The following GSTM4 variants were observed in gnomAD, a reference collection of about 807,000 sequenced individuals.
GSTM4 encodes the protein glutathione S-transferase mu 4.
Under a neutral mutation model 30.1 loss-of-function variants are expected in GSTM4, and 27 were observed. The observed-to-expected ratio is 0.90, with a 90% CI of 0.66 to 1.24. The LOEUF is 1.24. Among genes scored for constraint, GSTM4 ranks in the 50% most tolerant of loss-of-function variants. The probability of loss-of-function intolerance (pLI) is 0.00; values close to 1 mark genes in which losing one functional copy is unlikely to be tolerated. For synonymous variants in GSTM4, 94 were observed against 96.2 expected (o/e 0.98, Z 0.13); for missense variants, 238 against 272.1 (o/e 0.87, Z 0.88).
At chr1:109,656,877 G>C (rs1040253119) in intron 2 of GSTM4, 90 bp downstream of exon 2, 1 of 1,274,870 alleles carries the variant, frequency 7.8e-7, no homozygotes, top group Admixed American at 1.7e-5. Flanking sequence ...ACCTCTGCAG[G>C]CCTCCCCTGC....
downstream of GSTM4, among the ~76,000 whole-genome samples, chr1:109,664,598 GATTTGCCTGCCTCAGCC>G (rs961214087): frequency 2.0e-5 from 3 of 151,824 alleles, no homozygotes; most frequent in African/African-American, 7.3e-5. Flanking sequence ...GACCTCACGT[GATTTGCCTGCCTCAGCC>G]TCCCAAAGTG....
chr1:109,656,302 G>T lies in GSTM4; in HGVS notation c.-88G>T. ...GCCGAGGGGGCGGGTCTGGCGCTAG[G>T]TCCAGCCCCTGCGTGCCGGGAACCC... On this transcript the variant is annotated 5_prime_UTR_variant, in exon 1 of 8. Transcript: ENST00000369836. The T allele has an allele frequency of 7.5e-7, 1 of 1,332,630 alleles. No individual in the cohort carries two copies. Among genetic ancestry groups the T allele is most frequent in the Non-Finnish European group, 1.1e-6 (1 of 923,714 alleles). 82.6% of individuals were successfully genotyped at this position (1,332,630 alleles called of 1,614,324 possible).
At chr1:109,664,421 G>A (rs597370), downstream of GSTM4, among the ~76,000 whole-genome samples, 17,817 of 134,954 alleles carry the variant, frequency 0.13, 1,203 homozygotes, top group Middle Eastern at 0.17. Context: ...GTGCAGTGGC[G>A]CGATCTCAGC....
At chr1:109,659,321 A>G in intron 7 of GSTM4, 1 of 1,541,426 alleles carries the variant, frequency 6.5e-7, no homozygotes, top group Non-Finnish European at 8.8e-7. Context: ...TTGCCCATTT[A>G]GAGATAAGAA....
At chr1:109,665,353 C>T, downstream of GSTM4, 1 of 397,308 alleles carries the variant, frequency 2.5e-6, no homozygotes, top group Non-Finnish European at 4.6e-6. Context: ...GTTCTGAGGC[C>T]TTTAGCCTCT....
chr1:109,659,442 T>A, intron 7 of GSTM4: 1 of 1,307,196 alleles, frequency 7.6e-7, no homozygotes. Flanking sequence ...GGCTCTCCCT[T>A]TTGTGACAAA....
chr1:109,663,331 A>AAAG (rs1652371431), downstream of GSTM4, among the ~76,000 whole-genome samples: 4 of 152,316 alleles, frequency 2.6e-5, no homozygotes, highest in Middle Eastern at 6.8e-3. Context: ...CCCACAGAGT[A>AAAG]GCACACTTAA....
At chr1:109,657,708 G>A in intron 4 of GSTM4, 37 bp downstream of exon 4, 1 of 1,614,054 alleles carries the variant, frequency 6.2e-7, no homozygotes, top group East Asian at 2.2e-5. Flanking sequence ...GGGGGAAGGT[G>A]GCATCCTCCT....
chr1:109,659,415 C>A, intron 7 of GSTM4: 1 of 1,402,960 alleles, frequency 7.1e-7, no homozygotes, highest in Non-Finnish European at 9.4e-7. Context: ...GCATCTGGAT[C>A]TATGGGTGGC....
In GSTM4 at chr1:109,661,567, TG is replaced by T; in HGVS notation, c.*315del. On this transcript the variant is annotated 3_prime_UTR_variant, in exon 8 of 8. Transcript: ENST00000369836. ...TTGTATCTGCTTTGAAGGGCCTACC[TG>T]GCCCCTCGCCTGTGGAGCTCAGCCC... 3.1e-6 allele frequency: 4 copies of T among 1,285,726 alleles called. No individual in the cohort carries two copies. The highest frequency in any genetic ancestry group is 4.0e-6 in the Non-Finnish European group (4 of 1,005,292). The allele number at this position is 1,285,726 out of a possible 1,614,324, so 79.6% of individuals were successfully genotyped here.
chr1:109,661,427 T>G lies in GSTM4; in HGVS notation c.*173T>G. 1 of 1,468,698 alleles carries G rather than the reference T, an allele frequency of 6.8e-7. No individual in the cohort carries two copies. Among genetic ancestry groups the G allele is most frequent in the Non-Finnish European group, 9.0e-7 (1 of 1,107,472 alleles). The allele number at this position is 1,468,698 out of a possible 1,614,324, so 91.0% of individuals were successfully genotyped here. ...GGCCTCTTCACTTCCCCTAAACCCC[T>G]GTCCCATGCAGGCCCTTTGAAGCCT... On this transcript the variant is annotated 3_prime_UTR_variant, in exon 8 of 8. Coordinates refer to ENST00000369836, the MANE Select transcript of GSTM4 (RefSeq NM_000850.5).
chr1:109,656,363 T>G lies in GSTM4; in HGVS notation c.-27T>G, dbSNP rs1651980216. ...CGCAGTTCAGCCCAGCTGAGGCCTGTCTGCAGAATCGACACCAACCAGCAT... is the reference window on the plus strand; with the variant it reads ...CGCAGTTCAGCCCAGCTGAGGCCTGGCTGCAGAATCGACACCAACCAGCAT... On this transcript the variant is annotated 5_prime_UTR_variant, in exon 1 of 8. Transcript: ENST00000369836. 1 of 1,612,006 alleles carries G rather than the reference T, an allele frequency of 6.2e-7. No homozygotes were observed. The highest frequency in any genetic ancestry group is 8.5e-7 in the Non-Finnish European group (1 of 1,178,360).
chr1:109,666,880 C>G (rs1570625410), downstream of GSTM4, among the ~76,000 whole-genome samples: 1 of 152,194 alleles, frequency 6.6e-6, no homozygotes, highest in African/African-American at 2.4e-5. Flanking sequence ...CACCCGCCAC[C>G]AGGCCTGGCT....
chr1:109,666,323 A>G (rs187119596), downstream of GSTM4, among the ~76,000 whole-genome samples: 20 of 152,334 alleles, frequency 1.3e-4, no homozygotes, highest in Admixed American at 4.6e-4. Flanking sequence ...CTTTTCAAAA[A>G]TAAGTTCAGT....
Position 109,656,589 on chromosome 1 carries a change from T to TGTGC in GSTM4, c.37-122_37-121insTGCG, listed in dbSNP as rs1491168454. Reference sequence around the variant, plus strand: ...GTGTGTGTGTGTGTGTGTGTGTGTGTGCGTGCGCCGGGGTGGGGGGGGGGT... The same window carrying TGTGC: ...GTGTGTGTGTGTGTGTGTGTGTGTGTGTGCGCGTGCGCCGGGGTGGGGGGGGGGT... On this transcript the variant is annotated intron_variant, in intron 1 of 7. Transcript: ENST00000369836. 91 of 591,044 alleles carry TGTGC rather than the reference T, an allele frequency of 1.5e-4. 3 individuals are homozygous for TGTGC. The highest frequency in any genetic ancestry group is 4.2e-4 in the Middle Eastern group (1 of 2,362). The allele number at this position is 591,044 out of a possible 1,614,324, so 36.6% of individuals were successfully genotyped here. A position where few individuals can be genotyped will look rare whatever the true frequency, so the allele number is the denominator to read the frequency against.
intron 7 of GSTM4, chr1:109,660,577 C>T (rs1054231281): frequency 3.8e-5 from 6 of 155,988 alleles, no homozygotes; most frequent in African/African-American, 1.4e-4. Flanking sequence ...GATCTGGGCT[C>T]TCTTCCAGGC....
At position 109,657,908 on chromosome 1, in the gene GSTM4, T is replaced by G. The variant is rs1442462583; in HGVS notation, c.360+36T>G. The G allele has an allele frequency of 2.6e-6, 4 of 1,568,134 alleles. No homozygotes were observed. The East Asian group carries it at 6.7e-5, about 26-fold the overall frequency. On this transcript the variant is annotated intron_variant, in intron 5 of 7. Coordinates refer to ENST00000369836, the MANE Select transcript of GSTM4 (RefSeq NM_000850.5). ...CCCTGGTCTGGACCAGAAGCCAGGC[T>G]TGTATTCCCATCTACTCTGGTCCTA...
At chr1:109,663,583 T>G (rs1652376801), downstream of GSTM4, among the ~76,000 whole-genome samples, 1 of 152,012 alleles carries the variant, frequency 6.6e-6, no homozygotes, top group African/African-American at 2.4e-5. Flanking sequence ...GAGAATTGCT[T>G]GAACCCAGGA....
chr1:109,664,962 G>GACCTTCTC (rs1557955854), downstream of GSTM4: 1 of 1,607,960 alleles, frequency 6.2e-7, no homozygotes, highest in South Asian at 1.1e-5. Context: ...TGGCAGTCAA[G>GACCTTCTC]ACCTTCTCTC....
Sources: allele counts gnomAD v4.1 joint callset (sites outside exome capture counted in the v4.1 genomes callset), GRCh38; gene constraint gnomAD v4.1.1; transcripts MANE v1.5; gene names NCBI Gene and HGNC (gene_info 2026-07-23, HGNC 2026-07-21).